VGLL4: variants seen among roughly 807,000 people sequenced by gnomAD.
VGLL4 encodes the protein vestigial like family member 4.
A neutral mutation model predicts 21.0 loss-of-function variants in VGLL4; 7 were observed. That is an observed-to-expected ratio of 0.33 (90% CI 0.19 to 0.63). The LOEUF is 0.63. VGLL4 is among the 20% of genes least tolerant of loss of function. VGLL4 has a pLI of 0.78. For synonymous variants in VGLL4, 222 were observed against 173.2 expected (o/e 1.28, Z -2.21); for missense variants, 394 against 425.7 (o/e 0.93, Z 0.66).
chr3:11,696,046 A>G (rs2076602432), intron 2 of VGLL4, among the ~76,000 whole-genome samples: 1 of 152,236 alleles, frequency 6.6e-6, no homozygotes, highest in African/African-American at 2.4e-5. Context: ...CATAGGCGAC[A>G]AAACAACAAC....
intron 1 of VGLL4, among the ~76,000 whole-genome samples, chr3:11,631,746 C>A (rs1195062463): frequency 2.0e-5 from 3 of 152,124 alleles, no homozygotes; most frequent in Admixed American, 6.5e-5. Flanking sequence ...ATTTACAAAG[C>A]TATACCCTTA....
upstream of VGLL4, chr3:11,644,055 G>A: frequency 1.1e-6 from 1 of 936,416 alleles, no homozygotes; most frequent in Non-Finnish European, 1.3e-6. Flanking sequence ...GAAAGAGAAA[G>A]GGGAGGGGGA....
chr3:11,614,494 G>GC (rs1461219941), intron 1 of VGLL4, among the ~76,000 whole-genome samples: 1 of 152,142 alleles, frequency 6.6e-6, no homozygotes, highest in Non-Finnish European at 1.5e-5. Context: ...CTGTGTATAG[G>GC]CCCCCCGATT....
At position 11,565,644 on chromosome 3, in the gene VGLL4, C is replaced by T. The variant is rs1006779540; in HGVS notation, c.273-625G>A. On this transcript the variant is annotated intron_variant, in intron 2 of 4. Coordinates refer to ENST00000430365, the MANE Select transcript of VGLL4 (RefSeq NM_001128219.3). The surrounding 1 kb of genome is among the most constrained non-coding windows in gnomAD (Gnocchi z 4.1). The stretch of plus-strand genomic sequence containing the variant: ...TTCCCGGGGTGCTGTAGGGAGCCGG[C>T]GCGCAGCTCTCTCGTCCAGGACACA... Among the ~76,000 whole-genome samples the T allele has an allele frequency of 6.6e-6, 1 of 152,176 alleles. No individual in the cohort carries two copies. The highest frequency in any genetic ancestry group is 1.5e-5 in the Non-Finnish European group (1 of 68,036).
At chr3:11,630,998 C>T (rs1199551931) in intron 1 of VGLL4, among the ~76,000 whole-genome samples, 2 of 152,190 alleles carry the variant, frequency 1.3e-5, no homozygotes, top group African/African-American at 4.8e-5. Context: ...AAACATCATC[C>T]ATCAAGTTTA....
intron 1 of VGLL4, among the ~76,000 whole-genome samples, chr3:11,631,860 C>T (rs774247835): frequency 9.9e-5 from 15 of 152,164 alleles, no homozygotes; most frequent in Admixed American, 3.3e-4. Flanking sequence ...CCCAGGTTTG[C>T]ATTTTATCTA....
chr3:11,629,511 C>A (rs935260741), intron 1 of VGLL4, among the ~76,000 whole-genome samples: 2 of 152,052 alleles, frequency 1.3e-5, no homozygotes, highest in African/African-American at 4.8e-5. Context: ...AATCCCAGCA[C>A]TTTGGGAGGC....
rs2073652226 is a variant in VGLL4, at chr3:11,568,730, G to C, written c.273-3711C>G. ...GCGTCATGTGCTCCCGGGGACGGCA[G>C]AAAACCGCACGCATCCTGCCCGGGA... On this transcript the variant is annotated intron_variant, in intron 2 of 4. Transcript: ENST00000430365. This position sits in a 1 kb window ranked among gnomAD's most constrained non-coding sequence, Gnocchi z 5.9. 6.5e-7 allele frequency: 1 copy of C among 1,540,592 alleles called. No individual in the cohort carries two copies.
At chr3:11,629,746 CAAA>C (rs10609918) in intron 1 of VGLL4, among the ~76,000 whole-genome samples, 12 of 85,362 alleles carry the variant, frequency 1.4e-4, no homozygotes, top group East Asian at 3.4e-4. Flanking sequence ...AGACGGGTCT[CAAA>C]AAAAAAAAAA....
intron 2 of VGLL4, among the ~76,000 whole-genome samples, chr3:11,683,554 T>C (rs2076404744): frequency 6.6e-6 from 1 of 151,998 alleles, no homozygotes; most frequent in Non-Finnish European, 1.5e-5. Flanking sequence ...AATCGATGAG[T>C]GGATAAAGAA....
At chr3:11,560,665 C>T (rs1325777555) in intron 3 of VGLL4, among the ~76,000 whole-genome samples, 1 of 152,166 alleles carries the variant, frequency 6.6e-6, no homozygotes, top group African/African-American at 2.4e-5. Flanking sequence ...TTGGGTCTAA[C>T]AAGAAGCGAC....
chr3:11,645,829 G>A (rs1022522474), upstream of VGLL4, among the ~76,000 whole-genome samples: 14 of 151,794 alleles, frequency 9.2e-5, no homozygotes, highest in Non-Finnish European at 1.3e-4. Context: ...AAAATTAGCC[G>A]GGCATAGTGG....
intron 2 of VGLL4, among the ~76,000 whole-genome samples, chr3:11,577,422 G>A (rs1337612274): frequency 1.3e-5 from 2 of 152,120 alleles, no homozygotes; most frequent in Non-Finnish European, 2.9e-5. Context: ...GTGAAACCCC[G>A]TCTTTACAAA....
chr3:11,689,662 G>A (rs2076499088), intron 2 of VGLL4, among the ~76,000 whole-genome samples: 1 of 152,108 alleles, frequency 6.6e-6, no homozygotes, highest in Non-Finnish European at 1.5e-5. Flanking sequence ...CCTTTGATGT[G>A]CATTCACACT....
At position 11,562,311 on chromosome 3, in the gene VGLL4, A is replaced by G. The variant is rs754605948; in HGVS notation, c.495+2486T>C. On this transcript the variant is annotated intron_variant, in intron 3 of 4. Coordinates refer to ENST00000430365, the MANE Select transcript of VGLL4 (RefSeq NM_001128219.3). ...TATCACAAACATGAAATGGGGGGAC[A>G]CTTTCTGTAGCCTCCCCATACATGC... Among the ~76,000 whole-genome samples the G allele has an allele frequency of 3.2e-4, 48 of 152,156 alleles. 2 individuals are homozygous for G. In the Middle Eastern group the frequency reaches 0.02, roughly 65 times the overall value.
chr3:11,704,172 G>C (rs1410452435), intron 1 of VGLL4, among the ~76,000 whole-genome samples: 1 of 151,984 alleles, frequency 6.6e-6, no homozygotes, highest in African/African-American at 2.4e-5. Context: ...CCTGAGGTCG[G>C]GAGTTTGAGA....
intron 2 of VGLL4, among the ~76,000 whole-genome samples, chr3:11,688,151 G>A (rs560080603): frequency 1.3e-5 from 2 of 152,036 alleles, no homozygotes; most frequent in South Asian, 2.1e-4. Flanking sequence ...GGCTTACTTC[G>A]ACATGGGATA....
chr3:11,707,485 G>A (rs1387433745), intron 1 of VGLL4, among the ~76,000 whole-genome samples: 3 of 151,186 alleles, frequency 2.0e-5, no homozygotes, highest in African/African-American at 4.9e-5. Flanking sequence ...CATGAGGGAC[G>A]GGGACCAAGC....
intron 2 of VGLL4, among the ~76,000 whole-genome samples, chr3:11,571,109 A>G (rs2073756852): frequency 6.6e-6 from 1 of 152,208 alleles, no homozygotes; most frequent in Non-Finnish European, 1.5e-5. Flanking sequence ...TGTCGTGGGC[A>G]GGAAAAAGCT....
Sources: gnomAD v4.1 joint callset for allele counts (sites outside exome capture counted in the v4.1 genomes callset) on GRCh38, gnomAD v4.1.1 for gene constraint, Gnocchi (gnomAD v3.1) non-coding constraint, MANE v1.5 for transcripts, NCBI Gene and HGNC (gene_info 2026-07-23, HGNC 2026-07-21) for gene names.